The following GNA14 variants were observed in gnomAD, a reference collection of about 807,000 sequenced individuals.
GNA14 encodes guanine nucleotide-binding protein subunit alpha-14.
GNA14 carries 50 observed loss-of-function variants against 42.0 expected under a neutral mutation model. That is an observed-to-expected ratio of 1.19 (90% confidence interval 0.95 to 1.51). GNA14 has a LOEUF of 1.51. GNA14 is among the 40% of genes most tolerant of loss of function. The pLI, the probability that GNA14 is intolerant of heterozygous loss-of-function variation, is 0.00. For synonymous variants in GNA14, 173 were observed against 163.1 expected (o/e 1.06, Z -0.46); for missense variants, 473 against 446.2 (o/e 1.06, Z -0.54).
intron 1 of GNA14, among the ~76,000 whole-genome samples, chr9:77,606,431 T>C (rs944936110): frequency 6.6e-6 from 1 of 152,204 alleles, no homozygotes; most frequent in African/African-American, 2.4e-5. Flanking sequence ...CCTATGATTA[T>C]ACAAAACCAG....
chr9:77,522,576 G>A (rs1461450938), intron 2 of GNA14, among the ~76,000 whole-genome samples: 1 of 152,184 alleles, frequency 6.6e-6, no homozygotes, highest in Non-Finnish European at 1.5e-5. Flanking sequence ...TGACAGAAAA[G>A]CAGAATCCAA....
intron 2 of GNA14, among the ~76,000 whole-genome samples, chr9:77,441,419 C>T (rs943144350): frequency 2.0e-5 from 3 of 152,156 alleles, no homozygotes; most frequent in African/African-American, 7.2e-5. Context: ...CCTCCTCAGC[C>T]ATGTGGACCT....
At chr9:77,577,650 G>T (rs1038190489) in intron 1 of GNA14, among the ~76,000 whole-genome samples, 2 of 152,094 alleles carry the variant, frequency 1.3e-5, no homozygotes, top group African/African-American at 4.8e-5. Flanking sequence ...TTAAACTTCT[G>T]ATATTCCCCA....
At position 77,438,927 on chromosome 9, in the gene GNA14, T is replaced by C. The variant is rs117766156; in HGVS notation, c.310-4405A>G. ...GGAAATAGGCGTGGACACAACATTA[T>C]TATTCATTATTAAAAATTACTCATC... On this transcript the variant is annotated intron_variant, in intron 2 of 6. Coordinates refer to ENST00000341700, the MANE Select transcript of GNA14 (RefSeq NM_004297.4). Among the ~76,000 whole-genome samples, 198 of 152,344 alleles carry C rather than the reference T, an allele frequency of 1.3e-3. 8 individuals are homozygous for C. In the East Asian group the frequency reaches 0.036, roughly 28 times the overall value.
intron 1 of GNA14, among the ~76,000 whole-genome samples, chr9:77,581,013 C>T (rs1036508242): frequency 3.3e-5 from 5 of 150,170 alleles, no homozygotes; most frequent in African/African-American, 1.3e-4. Context: ...CACACACACA[C>T]ACACACACAC....
At chr9:77,438,935 T>TATTA (rs1338584336) in intron 2 of GNA14, among the ~76,000 whole-genome samples, 1 of 152,236 alleles carries the variant, frequency 6.6e-6, no homozygotes, top group Admixed American at 6.5e-5. Flanking sequence ...TATTATTCAT[T>TATTA]ATTAAAAATT....
At chr9:77,488,153 T>C (rs188406878) in intron 2 of GNA14, among the ~76,000 whole-genome samples, 5 of 152,092 alleles carry the variant, frequency 3.3e-5, no homozygotes, top group Non-Finnish European at 2.9e-5. Flanking sequence ...AACTCACATA[T>C]GAGGAGGATA....
At chr9:77,620,985 G>A (rs149475239) in intron 1 of GNA14, among the ~76,000 whole-genome samples, 2,698 of 151,716 alleles carry the variant, frequency 0.018, 92 homozygotes, top group African/African-American at 0.062. Flanking sequence ...CCAGGCTGGA[G>A]TACAGTGGCA....
intron 2 of GNA14, among the ~76,000 whole-genome samples, chr9:77,509,465 C>G (rs1837124359): frequency 6.6e-6 from 1 of 152,080 alleles, no homozygotes; most frequent in African/African-American, 2.4e-5. Context: ...GGGTTTACAC[C>G]CAAAAGTGAT....
At chr9:77,534,590 G>A (rs1587821235) in intron 1 of GNA14, among the ~76,000 whole-genome samples, 1 of 152,186 alleles carries the variant, frequency 6.6e-6, no homozygotes, top group Admixed American at 6.5e-5. Flanking sequence ...ACTGTTTGTA[G>A]CTCAGTTTTG....
At chr9:77,540,193 A>ATGAAACACATTTT (rs1213788405) in intron 1 of GNA14, among the ~76,000 whole-genome samples, 5 of 152,132 alleles carry the variant, frequency 3.3e-5, no homozygotes, top group African/African-American at 1.2e-4. Context: ...TGTTTCAAAA[A>ATGAAACACATTTT]TGTTTTAAAT....
chr9:77,623,682 C>G (rs1398307094), intron 1 of GNA14, among the ~76,000 whole-genome samples: 1 of 152,126 alleles, frequency 6.6e-6, no homozygotes, highest in South Asian at 2.1e-4. Flanking sequence ...AACTCCCTAC[C>G]CTAGCCAAGG....
chr9:77,462,137 G>A (rs780528094), intron 2 of GNA14, among the ~76,000 whole-genome samples: 6 of 152,112 alleles, frequency 3.9e-5, no homozygotes, highest in African/African-American at 7.2e-5. Context: ...CTTGACTACC[G>A]AGAAGTAAAT....
intron 2 of GNA14, among the ~76,000 whole-genome samples, chr9:77,517,169 C>T (rs2080474292): frequency 6.6e-6 from 1 of 152,194 alleles, no homozygotes; most frequent in South Asian, 2.1e-4. Flanking sequence ...TCCTCATCTT[C>T]CTGCCCTTCC....
At chr9:77,435,244 C>A (rs1189756935) in intron 2 of GNA14, among the ~76,000 whole-genome samples, 1 of 152,000 alleles carries the variant, frequency 6.6e-6, no homozygotes, top group Non-Finnish European at 1.5e-5. Flanking sequence ...GTAATCCCAG[C>A]TACTCAGGAG....
At chr9:77,490,214 TA>T (rs1314619353) in intron 2 of GNA14, among the ~76,000 whole-genome samples, 5 of 151,792 alleles carry the variant, frequency 3.3e-5, no homozygotes, top group African/African-American at 1.2e-4. Flanking sequence ...GGTGCATTCA[TA>T]AACCTTGAGC....
intron 2 of GNA14, among the ~76,000 whole-genome samples, chr9:77,522,508 A>T (rs1837374551): frequency 6.6e-6 from 1 of 152,210 alleles, no homozygotes; most frequent in Non-Finnish European, 1.5e-5. Flanking sequence ...GGTGGAGATT[A>T]ATTAGGTCAC....
intron 2 of GNA14, chr9:77,517,590 C>CTTTTTTTTTTTTTTTTTTTTTTTT (rs71358610): frequency 1.1e-4 from 3 of 26,792 alleles, no homozygotes; most frequent in African/African-American, 2.6e-4. Flanking sequence ...TGGTACTTTT[C>CTTTTTTTTTTTTTTTTTTTTTTTT]TTTTTTTTTT....
chr9:77,588,311 T>C (rs1022292255), intron 1 of GNA14, among the ~76,000 whole-genome samples: 6 of 152,318 alleles, frequency 3.9e-5, no homozygotes, highest in Admixed American at 2.6e-4. Context: ...TTAGCCAGTG[T>C]CTGTTGCTTG....
Sources: allele counts gnomAD v4.1 joint callset (sites outside exome capture counted in the v4.1 genomes callset), GRCh38; gene constraint gnomAD v4.1.1; transcripts MANE v1.5; gene names NCBI Gene and HGNC (gene_info 2026-07-23, HGNC 2026-07-21).